ANKRD30B: variants seen among roughly 807,000 people sequenced by gnomAD.
ANKRD30B encodes the protein ankyrin repeat domain-containing protein 30B.
ANKRD30B carries 144 observed loss-of-function variants against 202.2 expected under a neutral mutation model. The ratio of observed to expected loss-of-function variants is 0.71; its 90% CI spans 0.62 to 0.82. The LOEUF (loss-of-function observed/expected upper bound fraction) is 0.82, where lower values mean the gene tolerates loss of function less well. ANKRD30B is among the 40% of genes least tolerant of loss of function. ANKRD30B has a pLI of 0.00. For missense variants in ANKRD30B, 1,487 were observed against 1,669.1 expected, an observed-to-expected ratio of 0.89 and a Z score of 1.90; for synonymous variants, 508 against 561.3, an observed-to-expected ratio of 0.91 and a Z score of 1.34.
intron 34 of ANKRD30B, among the ~76,000 whole-genome samples, chr18:14,832,313 C>A (rs192818956): frequency 7.2e-4 from 109 of 152,252 alleles, no homozygotes; most frequent in Middle Eastern, 3.4e-3. Flanking sequence ...ACTTTAAATT[C>A]TTCAACTAAA....
chr18:14,883,103 G>C, the ANKRD30B span, among the ~76,000 whole-genome samples: 1 of 152,072 alleles, frequency 6.6e-6, no homozygotes, highest in Non-Finnish European at 1.5e-5. Context: ...GGCTGGGAGG[G>C]AATAAGCCCT....
chr18:14,926,635 T>C, the ANKRD30B span, among the ~76,000 whole-genome samples: 7 of 152,166 alleles, frequency 4.6e-5, no homozygotes, highest in Non-Finnish European at 1.0e-4. Flanking sequence ...ATTTTATATT[T>C]GTTACATAAA....
the ANKRD30B span, among the ~76,000 whole-genome samples, chr18:14,883,335 GTCTCTCTCTCTCTT>G: frequency 3.4e-4 from 23 of 67,368 alleles, no homozygotes; most frequent in East Asian, 5.2e-3. Context: ...CTCTCTCTCT[GTCTCTCTCTCTCTT>G]TCTCTCTCTC....
chr18:14,799,285 A>G lies in ANKRD30B; in HGVS notation c.2121A>G (p.Thr707=), dbSNP rs759141020. 89 of 1,531,042 alleles carry G rather than the reference A, an allele frequency of 5.8e-5. 2 individuals carry two copies. The South Asian group carries it at 1.1e-3, about 19-fold the overall frequency. 94.8% of individuals were successfully genotyped at this position (1,531,042 alleles called of 1,614,324 possible). A position where few individuals can be genotyped will look rare whatever the true frequency, so the allele number is the denominator to read the frequency against. Residue 707 remains threonine, a synonymous_variant, in exon 22 of 44, where the codon ACA becomes ACG. Coordinates refer to ENST00000690538, the MANE Select transcript of ANKRD30B (RefSeq NM_001367607.2). ...CTTTAGAATTGAAGGACAGAGAAACATTCAAAGCAGGTAAATTTTGCAATT... is the reference window on the plus strand; with the variant it reads ...CTTTAGAATTGAAGGACAGAGAAACGTTCAAAGCAGGTAAATTTTGCAATT... ...NKALELKDRE[T]FKAAQMFPSE... is the part of the protein sequence containing the mutation.
the ANKRD30B span, among the ~76,000 whole-genome samples, chr18:14,917,357 T>TC: frequency 9.6e-3 from 1,456 of 152,278 alleles, 26 homozygotes; most frequent in African/African-American, 0.033. Flanking sequence ...CACTGTGTGT[T>TC]CCCTCTGTTA....
At chr18:14,748,733 G>A (rs1484453085) in intron 1 of ANKRD30B, 93 bp downstream of exon 1, 27 of 1,283,104 alleles carry the variant, frequency 2.1e-5, no homozygotes, top group Non-Finnish European at 2.8e-5. Context: ...TCCTGGGGAC[G>A]AGGGGAGCAG....
chr18:14,773,301 G>T (rs1428666212), intron 9 of ANKRD30B, among the ~76,000 whole-genome samples: 1 of 152,074 alleles, frequency 6.6e-6, no homozygotes, highest in Non-Finnish European at 1.5e-5. Context: ...GATACTGCAG[G>T]TTAGAAAACA....
At chr18:14,881,190 T>C in the ANKRD30B span, among the ~76,000 whole-genome samples, 2 of 152,228 alleles carry the variant, frequency 1.3e-5, no homozygotes, top group South Asian at 2.1e-4. Flanking sequence ...CTTTCACCTT[T>C]TCCCCATTCA....
At chr18:14,835,462 C>A (rs1331391308) in intron 34 of ANKRD30B, among the ~76,000 whole-genome samples, 1 of 151,502 alleles carries the variant, frequency 6.6e-6, no homozygotes, top group African/African-American at 2.4e-5. Context: ...TTCCAGGAAG[C>A]CTTATTAACT....
the ANKRD30B span, among the ~76,000 whole-genome samples, chr18:14,940,736 G>A: frequency 6.6e-6 from 1 of 152,178 alleles, no homozygotes; most frequent in African/African-American, 2.4e-5. Flanking sequence ...TTCTGTTGTG[G>A]GGCATAACGG....
chr18:14,820,595 G>A (rs1970365437), intron 30 of ANKRD30B, among the ~76,000 whole-genome samples: 1 of 152,100 alleles, frequency 6.6e-6, no homozygotes, highest in Admixed American at 6.6e-5. Context: ...TTTGTCAAAG[G>A]CTTTTTCTGC....
chr18:14,822,423 T>C, intron 30 of ANKRD30B, 60 bp from the exon 31 acceptor site: 1 of 943,502 alleles, frequency 1.1e-6, no homozygotes, highest in South Asian at 1.3e-5. Context: ...ACTGCATGAA[T>C]GTTTGGTAGA....
chr18:14,910,940 G>C, the ANKRD30B span, among the ~76,000 whole-genome samples: 4 of 151,426 alleles, frequency 2.6e-5, no homozygotes, highest in Non-Finnish European at 5.9e-5. Flanking sequence ...AAAAATGTCT[G>C]TTCATGTCCT....
chr18:14,885,608 T>C, the ANKRD30B span, among the ~76,000 whole-genome samples: 1 of 151,982 alleles, frequency 6.6e-6, no homozygotes, highest in Non-Finnish European at 1.5e-5. Context: ...TAGGAATGCT[T>C]TTACTACAGC....
At chr18:14,751,266 A>G (rs1913403478) in intron 1 of ANKRD30B, among the ~76,000 whole-genome samples, 1 of 152,096 alleles carries the variant, frequency 6.6e-6, no homozygotes, top group Non-Finnish European at 1.5e-5. Context: ...TGTTTTATTT[A>G]TAGCAGTTTT....
the ANKRD30B span, among the ~76,000 whole-genome samples, chr18:14,902,239 G>C: frequency 1.3e-5 from 2 of 152,034 alleles, no homozygotes; most frequent in Non-Finnish European, 2.9e-5. Flanking sequence ...GATTTAGGTG[G>C]GGACACAAAG....
At chr18:14,888,352 C>T in the ANKRD30B span, among the ~76,000 whole-genome samples, 9 of 151,792 alleles carry the variant, frequency 5.9e-5, no homozygotes, top group Non-Finnish European at 1.0e-4. Flanking sequence ...ATTTTATAAG[C>T]AGATAGGAAT....
chr18:14,908,173 A>T, the ANKRD30B span, among the ~76,000 whole-genome samples: 4 of 152,152 alleles, frequency 2.6e-5, no homozygotes, highest in Non-Finnish European at 5.9e-5. Context: ...TGGTTGTATG[A>T]AGCCTCACAG....
At chr18:14,798,348 A>G (rs1969065988) in intron 20 of ANKRD30B, among the ~76,000 whole-genome samples, 1 of 152,156 alleles carries the variant, frequency 6.6e-6, no homozygotes. Flanking sequence ...CTGTATGCAG[A>G]AATACAGTAC....
Sources: gnomAD v4.1 joint callset for allele counts (sites outside exome capture counted in the v4.1 genomes callset) on GRCh38, gnomAD v4.1.1 for gene constraint, MANE v1.5 for transcripts, NCBI Gene and HGNC (gene_info 2026-07-23, HGNC 2026-07-21) for gene names.